The following MSL1 variants were observed in gnomAD, a reference collection of about 807,000 sequenced individuals.
The protein encoded by MSL1 is male-specific lethal 1 homolog.
MSL1 carries 21 observed loss-of-function variants against 64.6 expected under a neutral mutation model. The ratio of observed to expected loss-of-function variants is 0.33; its 90% CI spans 0.23 to 0.47. The LOEUF is 0.47. MSL1 is among the 20% of genes least tolerant of loss of function. MSL1 has a pLI of 1.00. For missense variants in MSL1, 664 were observed against 793.2 expected (o/e 0.84, Z 1.96); for synonymous variants, 339 against 329.6 (o/e 1.03, Z -0.31).
Position 40,129,303 on chromosome 17 carries a change from T to C in MSL1, c.1051T>C (p.Phe351Leu). ...KTPVKKLAPE[F>L]SKVKTKTPKH... ...TCCTGTTAAAAAGCTGGCTCCTGAATTTTCAAAAGTCAAAACAAAAACTCC... is the reference window on the plus strand; with the variant it reads ...TCCTGTTAAAAAGCTGGCTCCTGAACTTTCAAAAGTCAAAACAAAAACTCC... The change falls in exon 3 of 9, where the codon TTT (phenylalanine) becomes CTT (leucine). Residue 351 changes from phenylalanine (F) to leucine (L), a missense_variant. By Grantham distance (22) the Phe-to-Leu change is conservative (BLOSUM62 0). Transcript: ENST00000398532. 1 of 1,582,452 alleles carries C rather than the reference T, an allele frequency of 6.3e-7. No individual in the cohort carries two copies. Among genetic ancestry groups the C allele is most frequent in the Non-Finnish European group, 8.5e-7 (1 of 1,171,846 alleles).
rs955277564 is a variant in MSL1, at chr17:40,122,354, A to AGGC, written c.-246_-244dup. 9.7e-5 allele frequency: 21 copies of AGGC among 216,946 alleles called. No homozygotes were observed. The highest frequency in any genetic ancestry group is 3.6e-4 in the African/African-American group (15 of 41,164). The allele number at this position is 216,946 out of a possible 1,614,324, so 13.4% of individuals were successfully genotyped here. On this transcript the variant is annotated 5_prime_UTR_variant, in exon 1 of 9. Transcript: ENST00000398532. This position sits in a 1 kb window ranked among gnomAD's most constrained non-coding sequence, Gnocchi z 4.2. ...GTGCGAGCTCCTGCCTCTGAGGCGA[A>AGGC]GGCGGCGGCGGCGGCAGCAGAGGCG...
In MSL1 at chr17:40,122,999, C is replaced by T; in HGVS notation, c.387C>T (p.Pro129=). The change falls in exon 1 of 9, where the codon CCC becomes CCT. Residue 129 remains proline (P), a synonymous_variant. Coordinates refer to ENST00000398532, the MANE Select transcript of MSL1 (RefSeq NM_001365919.1). This position sits in a 1 kb window ranked among gnomAD's most constrained non-coding sequence, Gnocchi z 4.2. ...CCGGAGCCGGCTGCAGCCCCCGGCCCAAGTATCAGGCGGTGCTGCCCATTC... is the reference window on the plus strand; with the variant it reads ...CCGGAGCCGGCTGCAGCCCCCGGCCTAAGTATCAGGCGGTGCTGCCCATTC... ...AAAGAGCSPR[P]KYQAVLPIQT... 3 of 1,529,752 alleles carry T rather than the reference C, an allele frequency of 2.0e-6. No individual in the cohort carries two copies. Among genetic ancestry groups the T allele is most frequent in the Non-Finnish European group, 2.6e-6 (3 of 1,144,708 alleles). The allele number at this position is 1,529,752 out of a possible 1,614,324, so 94.8% of individuals were successfully genotyped here.
intron 1 of MSL1, 29 bp from the exon 2 acceptor site, chr17:40,126,154 A>G: frequency 6.2e-7 from 1 of 1,601,474 alleles, no homozygotes; most frequent in South Asian, 1.1e-5. Flanking sequence ...TTATGTGTTA[A>G]GTCTGCATTT....
At chr17:40,126,074 T>A (rs1487767453) in intron 1 of MSL1, 109 bp from the exon 2 acceptor site, 9 of 886,768 alleles carry the variant, frequency 1.0e-5, no homozygotes, top group Non-Finnish European at 1.6e-5. Flanking sequence ...TGAGTTGATG[T>A]GGTCCATAGA....
Position 40,133,257 on chromosome 17 carries a change from T to G in MSL1, c.1556+148T>G, listed in dbSNP as rs889848505. 5.0e-6 allele frequency: 4 copies of G among 802,530 alleles called. No homozygotes were observed. The African/African-American group carries it at 7.0e-5, about 14-fold the overall frequency. The allele number at this position is 802,530 out of a possible 1,614,324, so 49.7% of individuals were successfully genotyped here. A position where few individuals can be genotyped will look rare whatever the true frequency, so the allele number is the denominator to read the frequency against. On this transcript the variant is annotated intron_variant, in intron 6 of 8. Coordinates refer to ENST00000398532, the MANE Select transcript of MSL1 (RefSeq NM_001365919.1). ...TACTGGCTTCCCAGTTGGTTGAATA[T>G]CTTAGTTGGAAATGGTAGTTGTTGC...
Position 40,131,171 on chromosome 17 carries a change from G to A in MSL1, c.1376-366G>A. The stretch of plus-strand genomic sequence containing the variant: ...GAGGGAGGAGGGAGCTGTTTAAGAA[G>A]ACTACATATGTAAGTTTTGAGAACA... On this transcript the variant is annotated intron_variant, in intron 3 of 8. Transcript: ENST00000398532. The surrounding 1 kb of genome is among the most constrained non-coding windows in gnomAD (Gnocchi z 4.5). 5.3e-6 allele frequency: 1 copy of A among 190,290 alleles called. No individual in the cohort carries two copies. Among genetic ancestry groups the A allele is most frequent in the Non-Finnish European group, 1.1e-5 (1 of 89,314 alleles). 11.8% of individuals were successfully genotyped at this position (190,290 alleles called of 1,614,324 possible). A position where few individuals can be genotyped will look rare whatever the true frequency, so the allele number is the denominator to read the frequency against.
At chr17:40,132,991 G>A in intron 5 of MSL1, 51 bp from the exon 6 acceptor site, 1 of 1,512,280 alleles carries the variant, frequency 6.6e-7, no homozygotes. Flanking sequence ...GTATATGTGT[G>A]TAACTAATAT....
intron 1 of MSL1, among the ~76,000 whole-genome samples, chr17:40,123,690 T>C (rs1191039974): frequency 6.6e-6 from 1 of 151,598 alleles, no homozygotes; most frequent in East Asian, 1.9e-4. Context: ...CTGTGAGGGG[T>C]TAAAAATGAA....
intron 1 of MSL1, among the ~76,000 whole-genome samples, chr17:40,125,702 C>T (rs1052730011): frequency 1.8e-4 from 27 of 152,042 alleles, no homozygotes; most frequent in Admixed American, 9.8e-4. Flanking sequence ...ACCAGCTACT[C>T]GGGAGGCTGA....
chr17:40,132,440 T>A (rs923326923), intron 5 of MSL1, among the ~76,000 whole-genome samples: 4 of 152,000 alleles, frequency 2.6e-5, no homozygotes, highest in African/African-American at 9.7e-5. Context: ...GAGTCAGAGA[T>A]CAGCCTGGCC....
chr17:40,126,497 T>C, intron 2 of MSL1, 91 bp downstream of exon 2: 3 of 1,220,980 alleles, frequency 2.5e-6, no homozygotes, highest in Non-Finnish European at 2.4e-6. Flanking sequence ...ATAGCAATCA[T>C]AACTTGCTTT....
chr17:40,122,981 C>G lies in MSL1; in HGVS notation c.369C>G (p.Ala123=), dbSNP rs746598267. 718 of 1,528,064 alleles carry G rather than the reference C, an allele frequency of 4.7e-4. No homozygotes were observed. Among genetic ancestry groups the G allele is most frequent in the Non-Finnish European group, 6.0e-4 (689 of 1,144,232 alleles). The allele number at this position is 1,528,064 out of a possible 1,614,324, so 94.7% of individuals were successfully genotyped here. ...GIGGEPAAAG[A]GCSPRPKYQA... Reference sequence around the variant, plus strand: ...GGGGGGAGCCTGCCGCAGCCGGAGCCGGCTGCAGCCCCCGGCCCAAGTATC... The same window carrying G: ...GGGGGGAGCCTGCCGCAGCCGGAGCGGGCTGCAGCCCCCGGCCCAAGTATC... Residue 123 remains alanine, a synonymous_variant, in exon 1 of 9, where the codon GCC becomes GCG. Transcript: ENST00000398532. The surrounding 1 kb of genome is among the most constrained non-coding windows in gnomAD (Gnocchi z 4.2).
chr17:40,122,677 G>A lies in MSL1; in HGVS notation c.65G>A (p.Arg22Gln). The A allele has an allele frequency of 4.7e-6, 7 of 1,491,772 alleles. No individual in the cohort carries two copies. The highest frequency in any genetic ancestry group is 6.2e-6 in the Non-Finnish European group (7 of 1,128,002). The allele number at this position is 1,491,772 out of a possible 1,614,324, so 92.4% of individuals were successfully genotyped here. The change falls in exon 1 of 9, where the codon CGA becomes CAA. Residue 22 changes from arginine (R) to glutamine (Q), a missense_variant. Arg to Gln is a conservative substitution (Grantham distance 43, BLOSUM62 1). This residue lies in a region of MSL1 where 466 missense variants were observed against 499.0 expected (regional missense o/e 0.93). Coordinates refer to ENST00000398532, the MANE Select transcript of MSL1 (RefSeq NM_001365919.1). This position sits in a 1 kb window ranked among gnomAD's most constrained non-coding sequence, Gnocchi z 4.2. ...CCTGCCGGCGGCAATCCTGAGCAGC[G>A]ACTGGACTACGAGCGGGCTGCGGCG... is the stretch of plus-strand genomic sequence containing the variant. The part of the protein sequence containing the change: ...AAPAGGNPEQ[R>Q]LDYERAAALG...
Position 40,123,145 on chromosome 17 carries a change from C to G in MSL1, c.533C>G (p.Pro178Arg). 1.3e-6 allele frequency: 2 copies of G among 1,533,700 alleles called. No homozygotes were observed. The highest frequency in any genetic ancestry group is 1.7e-6 in the Non-Finnish European group (2 of 1,145,934). Residue 178 changes from proline (P) to arginine (R), a missense_variant, in exon 1 of 9, where the codon CCC (proline) becomes CGC (arginine). Physicochemically the swap from Pro to Arg is moderately radical, Grantham distance 103. This residue lies in a region of MSL1 where 466 missense variants were observed against 499.0 expected (regional missense o/e 0.93). Coordinates refer to ENST00000398532, the MANE Select transcript of MSL1 (RefSeq NM_001365919.1). ...GCGGGACCCCCACCACTACCTCTGC[C>G]CGGGCCGCCACCCCTCGCGCCCACC... ...DPAGPPPLPL[P>R]GPPPLAPTAT...
chr17:40,126,106 A>T, intron 1 of MSL1, 77 bp from the exon 2 acceptor site: 8 of 1,318,232 alleles, frequency 6.1e-6, no homozygotes, highest in Non-Finnish European at 8.6e-6. Flanking sequence ...GACTATACTG[A>T]TTCCTAAATG....
intron 2 of MSL1, among the ~76,000 whole-genome samples, chr17:40,127,550 T>A (rs1447496073): frequency 2.0e-5 from 3 of 152,140 alleles, no homozygotes; most frequent in African/African-American, 7.2e-5. Context: ...GTCGCCAACA[T>A]GGCTCACTTC....
intron 2 of MSL1, among the ~76,000 whole-genome samples, chr17:40,128,625 G>A (rs182980002): frequency 3.1e-4 from 46 of 150,572 alleles, no homozygotes; most frequent in Non-Finnish European, 3.0e-4. Context: ...CAAGTGATCC[G>A]CCTGCATTGG....
In MSL1 at chr17:40,122,707, G is replaced by A. The variant is rs747020454; in HGVS notation, c.95G>A (p.Gly32Asp). ...GACTACGAGCGGGCTGCGGCGCTGGGCGGGCCCGAGGACGAGCCTGGGGCG... is the reference window on the plus strand; with the variant it reads ...GACTACGAGCGGGCTGCGGCGCTGGACGGGCCCGAGGACGAGCCTGGGGCG... Reference protein sequence around the residue: ...RLDYERAAALGGPEDEPGAAE... With the variant: ...RLDYERAAALDGPEDEPGAAE... Residue 32 changes from glycine (G) to aspartate (D), a missense_variant, in exon 1 of 9, where the codon GGC (glycine) becomes GAC (aspartate). This residue lies in a region of MSL1 where 466 missense variants were observed against 499.0 expected (regional missense o/e 0.93). Transcript: ENST00000398532. The surrounding 1 kb of genome is among the most constrained non-coding windows in gnomAD (Gnocchi z 4.2). 1.3e-6 allele frequency: 2 copies of A among 1,482,662 alleles called. No individual in the cohort carries two copies. Among genetic ancestry groups the A allele is most frequent in the South Asian group, 1.3e-5 (1 of 78,526 alleles). The allele number at this position is 1,482,662 out of a possible 1,614,324, so 91.8% of individuals were successfully genotyped here.
Position 40,122,933 on chromosome 17 carries a change from G to T in MSL1, c.321G>T (p.Pro107=). Residue 107 remains proline (P), a synonymous_variant, in exon 1 of 9, where the codon CCG becomes CCT. Coordinates refer to ENST00000398532, the MANE Select transcript of MSL1 (RefSeq NM_001365919.1). The surrounding 1 kb of genome is among the most constrained non-coding windows in gnomAD (Gnocchi z 4.2). ...CGGTGCCCTTGCCCTGTCCGCCCCC[G>T]GCCACCAAGCAAGCCGGCATTGGGG... is the stretch of plus-strand genomic sequence containing the variant. ...GGSVPLPCPP[P]ATKQAGIGGE... 6.6e-7 allele frequency: 1 copy of T among 1,520,062 alleles called. No homozygotes were observed. 94.2% of individuals were successfully genotyped at this position (1,520,062 alleles called of 1,614,324 possible).
Sources: allele counts gnomAD v4.1 joint callset (sites outside exome capture counted in the v4.1 genomes callset), GRCh38; gene constraint gnomAD v4.1.1; regional missense constraint gnomAD v4.1.1; non-coding constraint Gnocchi (gnomAD v3.1); transcripts MANE v1.5; gene names NCBI Gene and HGNC (gene_info 2026-07-23, HGNC 2026-07-21).